Variants in LARGE1 observed in about 807,000 individuals in gnomAD.
LARGE1 encodes LARGE xylosyl- and glucuronyltransferase 1, also known as xylosyl- and glucuronyltransferase LARGE1.
In LARGE1, 43 loss-of-function variants were observed where a neutral mutation model predicts 87.6. The ratio of observed to expected loss-of-function variants is 0.49; its 90% CI spans 0.38 to 0.63. LARGE1 has a LOEUF of 0.63. LARGE1 is among the 30% of genes least tolerant of loss of function. The pLI is 0.00. For synonymous variants in LARGE1, 434 were observed against 394.6 expected, an observed-to-expected ratio of 1.10 and a Z score of -1.18; for missense variants, 802 against 1,000.2, an observed-to-expected ratio of 0.80 and a Z score of 2.67.
intron 6 of LARGE1, among the ~76,000 whole-genome samples, chr22:33,553,357 A>T (rs1022530014): frequency 4.4e-4 from 24 of 54,622 alleles, no homozygotes; most frequent in African/African-American, 7.9e-4. Flanking sequence ...ATAAAAATTA[A>T]AAAAAAAAAA....
chr22:33,846,856 G>A (rs973121920), intron 1 of LARGE1, among the ~76,000 whole-genome samples: 1 of 152,100 alleles, frequency 6.6e-6, no homozygotes, highest in Non-Finnish European at 1.5e-5. Context: ...CCTGTCTCCT[G>A]ATAAGATGTT....
chr22:33,658,674 T>C (rs1193706428), intron 2 of LARGE1, among the ~76,000 whole-genome samples: 1 of 152,260 alleles, frequency 6.6e-6, no homozygotes, highest in African/African-American at 2.4e-5. Context: ...ATATTTTCTT[T>C]ATTGAATCTA....
the LARGE1 span, among the ~76,000 whole-genome samples, chr22:33,130,462 C>G: frequency 0.1 from 15,114 of 151,832 alleles, 853 homozygotes; most frequent in African/African-American, 0.15. Flanking sequence ...TGCACTCCAG[C>G]CTGGGTGACA....
At chr22:33,270,028 C>A (rs957013216), downstream of LARGE1, among the ~76,000 whole-genome samples, 2 of 150,254 alleles carry the variant, frequency 1.3e-5, no homozygotes, top group East Asian at 3.9e-4. Flanking sequence ...AAAGACTATA[C>A]GAATGTGTTA....
intron 9 of LARGE1, among the ~76,000 whole-genome samples, chr22:33,367,087 CA>C (rs2064623323): frequency 6.6e-6 from 1 of 151,942 alleles, no homozygotes; most frequent in South Asian, 2.1e-4. Context: ...CAAAAATTCT[CA>C]AATTTGTTCA....
At chr22:33,504,462 G>A (rs887269410) in intron 6 of LARGE1, among the ~76,000 whole-genome samples, 13 of 152,260 alleles carry the variant, frequency 8.5e-5, no homozygotes, top group South Asian at 8.3e-4. Flanking sequence ...GTTTCACCAC[G>A]TCGGCCAGGC....
At chr22:33,100,303 T>G in the LARGE1 span, among the ~76,000 whole-genome samples, 2 of 145,690 alleles carry the variant, frequency 1.4e-5, no homozygotes, top group Non-Finnish European at 3.0e-5. Flanking sequence ...AGCCGAGATA[T>G]TGCGCCACTG....
intron 1 of LARGE1, among the ~76,000 whole-genome samples, chr22:33,815,449 G>A (rs970541361): frequency 1.3e-5 from 2 of 152,198 alleles, no homozygotes; most frequent in Non-Finnish European, 2.9e-5. Flanking sequence ...TTCCAATTAT[G>A]TTCCTTTCCT....
At chr22:33,727,879 T>G (rs943318772) in intron 2 of LARGE1, among the ~76,000 whole-genome samples, 1 of 151,762 alleles carries the variant, frequency 6.6e-6, no homozygotes, top group African/African-American at 2.4e-5. Flanking sequence ...TTAGGGCAGG[T>G]GAGATTTGAG....
chr22:33,798,545 C>T (rs527516106), intron 1 of LARGE1, among the ~76,000 whole-genome samples: 118 of 152,156 alleles, frequency 7.8e-4, no homozygotes, highest in Non-Finnish European at 1.3e-3. Flanking sequence ...ATGACCACAT[C>T]CTGCTTTTCT....
Position 33,790,959 on chromosome 22 carries a change from A to C in LARGE1, c.-82-29401T>G, listed in dbSNP as rs1601624260. Among the ~76,000 whole-genome samples, 3 of 152,330 alleles carry C rather than the reference A, an allele frequency of 2.0e-5. No homozygotes were observed. In the South Asian group the frequency reaches 6.2e-4, roughly 32 times the overall value. On this transcript the variant is annotated intron_variant, in intron 1 of 14. Coordinates refer to ENST00000397394, the MANE Select transcript of LARGE1 (RefSeq NM_133642.5). Reference sequence around the variant, plus strand: ...AGGCCCACAAGCACATATCCTTTCAAGGTGAACACCAGGTAAATTCTACCA... The same window carrying C: ...AGGCCCACAAGCACATATCCTTTCACGGTGAACACCAGGTAAATTCTACCA...
intron 9 of LARGE1, among the ~76,000 whole-genome samples, chr22:33,361,699 T>G (rs1335409950): frequency 2.6e-5 from 3 of 115,332 alleles, no homozygotes; most frequent in African/African-American, 9.2e-5. Flanking sequence ...AGATTCAGAT[T>G]CTGCATCACA....
chr22:33,503,826 C>CA (rs1256086851), intron 6 of LARGE1, among the ~76,000 whole-genome samples: 3 of 151,508 alleles, frequency 2.0e-5, no homozygotes, highest in Non-Finnish European at 2.9e-5. Flanking sequence ...ACAAAAACAC[C>CA]AAAAAACAAA....
At chr22:33,558,063 T>C (rs889028138) in intron 6 of LARGE1, among the ~76,000 whole-genome samples, 2 of 152,196 alleles carry the variant, frequency 1.3e-5, no homozygotes, top group African/African-American at 2.4e-5. Context: ...GAGAATTTCA[T>C]CTTTTAAAAT....
chr22:33,515,842 C>A (rs908596326), intron 6 of LARGE1, among the ~76,000 whole-genome samples: 4 of 152,132 alleles, frequency 2.6e-5, no homozygotes, highest in African/African-American at 9.7e-5. Flanking sequence ...TCCAGAGTCA[C>A]CCCTCACCCT....
At chr22:33,149,483 C>T in the LARGE1 span, among the ~76,000 whole-genome samples, 5 of 152,096 alleles carry the variant, frequency 3.3e-5, no homozygotes, top group African/African-American at 1.2e-4. Context: ...AAGGTTTTCT[C>T]CTAAATATTT....
At chr22:33,795,869 G>GT (rs2085963821) in intron 1 of LARGE1, among the ~76,000 whole-genome samples, 1 of 151,934 alleles carries the variant, frequency 6.6e-6, no homozygotes, top group Non-Finnish European at 1.5e-5. Context: ...GGAGGTGGGA[G>GT]AGATAGCATT....
At chr22:33,868,566 ACCT>A (rs1329221328) in intron 1 of LARGE1, among the ~76,000 whole-genome samples, 1 of 151,654 alleles carries the variant, frequency 6.6e-6, no homozygotes, top group Non-Finnish European at 1.5e-5. Flanking sequence ...CCACACCATG[ACCT>A]CCTCTTGCCC....
At chr22:33,849,318 C>CATCA (rs1166005712) in intron 1 of LARGE1, among the ~76,000 whole-genome samples, 1 of 152,116 alleles carries the variant, frequency 6.6e-6, no homozygotes, top group African/African-American at 2.4e-5. Flanking sequence ...GTCGTTTTTT[C>CATCA]ATCAATCAAT....
Sources: allele counts gnomAD v4.1 joint callset (sites outside exome capture counted in the v4.1 genomes callset), GRCh38; gene constraint gnomAD v4.1.1; transcripts MANE v1.5; gene names NCBI Gene and HGNC (gene_info 2026-07-23, HGNC 2026-07-21).